The following CAMK1D variants were observed in gnomAD, a reference collection of about 807,000 sequenced individuals.
The protein encoded by CAMK1D is calcium/calmodulin-dependent protein kinase type 1D.
Under a neutral mutation model 47.7 loss-of-function variants are expected in CAMK1D, and 9 were observed. The ratio of observed to expected loss-of-function variants is 0.19; its 90% CI spans 0.11 to 0.33. The LOEUF (loss-of-function observed/expected upper bound fraction) is 0.33. Among genes scored for constraint, CAMK1D ranks in the 10% least tolerant of loss-of-function variants. The probability of loss-of-function intolerance (pLI) is 1.00; values close to 1 mark genes in which losing one functional copy is unlikely to be tolerated. For synonymous variants in CAMK1D, 184 were observed against 184.9 expected (o/e 0.99, Z 0.04); for missense variants, 291 against 488.7 (o/e 0.60, Z 3.81).
chr10:12,782,935 A>T (rs1837561319), intron 5 of CAMK1D, among the ~76,000 whole-genome samples: 1 of 151,702 alleles, frequency 6.6e-6, no homozygotes, highest in Non-Finnish European at 1.5e-5. Context: ...TCCATGCTGG[A>T]TCTGAGATAA....
intron 1 of CAMK1D, among the ~76,000 whole-genome samples, chr10:12,426,393 T>C (rs762400364): frequency 6.5e-4 from 99 of 152,108 alleles, no homozygotes; most frequent in Non-Finnish European, 1.2e-3. Context: ...ATTACAGGCA[T>C]GCGCCACCAT....
intron 1 of CAMK1D, among the ~76,000 whole-genome samples, chr10:12,447,947 A>T (rs928781795): frequency 6.6e-6 from 1 of 152,014 alleles, no homozygotes; most frequent in Non-Finnish European, 1.5e-5. Flanking sequence ...CTGCCTTTGG[A>T]TTCAAGTGAT....
At chr10:12,624,608 G>C (rs75377952) in intron 2 of CAMK1D, among the ~76,000 whole-genome samples, 1 of 152,078 alleles carries the variant, frequency 6.6e-6, no homozygotes, top group Non-Finnish European at 1.5e-5. Context: ...AGTAGTCCAC[G>C]GTTTACCACA....
intron 2 of CAMK1D, among the ~76,000 whole-genome samples, chr10:12,592,255 T>G (rs143644485): frequency 3.2e-4 from 49 of 152,314 alleles, no homozygotes; most frequent in African/African-American, 1.1e-3. Context: ...AGGCACCCTC[T>G]ATCTTTCTCC....
At chr10:12,426,472 C>T (rs186426006) in intron 1 of CAMK1D, among the ~76,000 whole-genome samples, 1 of 152,300 alleles carries the variant, frequency 6.6e-6, no homozygotes, top group East Asian at 1.9e-4. Flanking sequence ...TCTTGAACTC[C>T]CGACCTCAGC....
intron 1 of CAMK1D, among the ~76,000 whole-genome samples, chr10:12,515,891 G>A (rs559619004): frequency 2.6e-5 from 4 of 152,076 alleles, no homozygotes; most frequent in Non-Finnish European, 4.4e-5. Flanking sequence ...GATTACAGGC[G>A]TGAGCCACCG....
chr10:12,714,800 AC>A (rs1834062713), intron 3 of CAMK1D, among the ~76,000 whole-genome samples: 2 of 149,884 alleles, frequency 1.3e-5, no homozygotes, highest in African/African-American at 2.5e-5. Context: ...ACACACACAC[AC>A]ACACAATGTC....
rs144433542 is a variant in CAMK1D at position 12,564,693 on chromosome 10, G to T, written c.224+11337G>T. 6.4e-3 allele frequency among the ~76,000 whole-genome samples: 975 copies of T among 152,212 alleles called. 9 individuals are homozygous for T. The highest frequency in any genetic ancestry group is 0.022 in the African/African-American group (930 of 41,520). ...TTAGCTATTTGCATTTTTCTGTTATGAATATTTAAAAAATAGTTTTGACTA... is the reference window on the plus strand; with the variant it reads ...TTAGCTATTTGCATTTTTCTGTTATTAATATTTAAAAAATAGTTTTGACTA... On this transcript the variant is annotated intron_variant, in intron 2 of 10. Coordinates refer to ENST00000619168, the MANE Select transcript of CAMK1D (RefSeq NM_153498.4).
intron 5 of CAMK1D, among the ~76,000 whole-genome samples, chr10:12,781,007 C>A (rs1219912963): frequency 1.3e-5 from 2 of 152,220 alleles, no homozygotes; most frequent in East Asian, 3.9e-4. Flanking sequence ...GCGACGTAAA[C>A]CCAGCCTGGC....
At chr10:12,794,427 C>T (rs951560340) in intron 6 of CAMK1D, among the ~76,000 whole-genome samples, 1 of 152,058 alleles carries the variant, frequency 6.6e-6, no homozygotes, top group African/African-American at 2.4e-5. Flanking sequence ...GTAGTGTATG[C>T]ACGTGTGGAA....
intron 3 of CAMK1D, among the ~76,000 whole-genome samples, chr10:12,690,803 G>A (rs890551297): frequency 6.6e-6 from 1 of 152,154 alleles, no homozygotes; most frequent in African/African-American, 2.4e-5. Context: ...GTTGGGGGCA[G>A]TTGGGAAAGT....
chr10:12,757,674 C>G (rs1253961930), intron 3 of CAMK1D, among the ~76,000 whole-genome samples: 1 of 152,178 alleles, frequency 6.6e-6, no homozygotes, highest in East Asian at 1.9e-4. Flanking sequence ...AATTGATTTT[C>G]TCACAGTTCT....
intron 1 of CAMK1D, among the ~76,000 whole-genome samples, chr10:12,364,545 C>T (rs767770449): frequency 2.4e-4 from 37 of 151,878 alleles, no homozygotes; most frequent in Admixed American, 3.3e-4. Flanking sequence ...GCATGGCCAT[C>T]ATTCTCATTT....
At chr10:12,463,675 C>T (rs1268048001) in intron 1 of CAMK1D, among the ~76,000 whole-genome samples, 4 of 151,880 alleles carry the variant, frequency 2.6e-5, no homozygotes, top group East Asian at 1.9e-4. Flanking sequence ...TCTCACCTCT[C>T]GGTGAGTTGA....
rs578114728 is a variant in CAMK1D at position 12,801,490 on chromosome 10, CCATCCATT to C, written c.641+10265_641+10272del. On this transcript the variant is annotated intron_variant, in intron 6 of 10. Transcript: ENST00000619168. Reference sequence around the variant, plus strand: ...GTCATCTATCTATCCATTCATCCATCCATCCATTCATCCATCTATCCATCTTCTATTTG... The same window carrying C: ...GTCATCTATCTATCCATTCATCCATCCATCCATCTATCCATCTTCTATTTG... 9.9e-5 allele frequency among the ~76,000 whole-genome samples: 15 copies of C among 151,902 alleles called. No homozygotes were observed. In the South Asian group the frequency reaches 2.7e-3, roughly 28 times the overall value.
intron 2 of CAMK1D, among the ~76,000 whole-genome samples, chr10:12,584,425 A>G (rs1447495839): frequency 1.3e-5 from 2 of 152,198 alleles, no homozygotes; most frequent in African/African-American, 4.8e-5. Flanking sequence ...TGTTGACTAC[A>G]CATATTTCTG....
At chr10:12,413,547 T>C in intron 1 of CAMK1D, among the ~76,000 whole-genome samples, 1 of 151,132 alleles carries the variant, frequency 6.6e-6, no homozygotes, top group Non-Finnish European at 1.5e-5. Context: ...ATGAGTATGA[T>C]GGTGATAATG....
intron 3 of CAMK1D, among the ~76,000 whole-genome samples, chr10:12,689,806 G>A (rs1338291921): frequency 6.6e-6 from 1 of 151,806 alleles, no homozygotes; most frequent in South Asian, 2.1e-4. Flanking sequence ...TTTGAACTGA[G>A]CCTGCTATTT....
At chr10:12,816,765 G>A (rs1021371629) in intron 8 of CAMK1D, among the ~76,000 whole-genome samples, 9 of 151,082 alleles carry the variant, frequency 6.0e-5, no homozygotes, top group East Asian at 1.9e-4. Flanking sequence ...CCAGCTACTC[G>A]CAAGGCTGAG....
Sources: allele counts gnomAD v4.1 joint callset (sites outside exome capture counted in the v4.1 genomes callset), GRCh38; gene constraint gnomAD v4.1.1; transcripts MANE v1.5; gene names NCBI Gene and HGNC (gene_info 2026-07-23, HGNC 2026-07-21).